KAZN: variants seen among roughly 807,000 people sequenced by gnomAD.
KAZN encodes the protein kazrin.
KAZN carries 40 observed loss-of-function variants against 87.4 expected under a neutral mutation model. The ratio of observed to expected loss-of-function variants is 0.46; its 90% CI spans 0.36 to 0.60. The LOEUF is 0.60. Among genes scored for constraint, KAZN ranks in the 20% least tolerant of loss-of-function variants. The probability of loss-of-function intolerance (pLI) is 0.00; values close to 1 mark genes in which losing one functional copy is unlikely to be tolerated. For synonymous variants in KAZN, 466 were observed against 458.3 expected (o/e 1.02, Z -0.22); for missense variants, 898 against 1,073.9 (o/e 0.84, Z 2.29).
chr1:14,879,501 G>T (rs1653106626), intron 1 of KAZN, among the ~76,000 whole-genome samples: 1 of 152,144 alleles, frequency 6.6e-6, no homozygotes, highest in Non-Finnish European at 1.5e-5. Context: ...CACTTTGCCA[G>T]CCAGCCAAAG....
intron 8 of KAZN, chr1:15,067,791 G>T (rs1036570887): frequency 9.1e-6 from 9 of 985,278 alleles, no homozygotes; most frequent in Non-Finnish European, 1.1e-5. Context: ...TAGGGGTGAC[G>T]GGGAGCGACC....
At chr1:14,419,603 C>T (rs1222151483) in intron 2 of KAZN, among the ~76,000 whole-genome samples, 1 of 152,194 alleles carries the variant, frequency 6.6e-6, no homozygotes, top group Non-Finnish European at 1.5e-5. Context: ...TTGAGTGTTA[C>T]AGTTCTTAAA....
intron 1 of KAZN, among the ~76,000 whole-genome samples, chr1:14,751,025 A>T (rs972975601): frequency 3.3e-5 from 5 of 152,330 alleles, no homozygotes; most frequent in Non-Finnish European, 7.3e-5. Context: ...GACGTCATTT[A>T]TAACATGACC....
intron 1 of KAZN, among the ~76,000 whole-genome samples, chr1:14,009,427 C>T (rs145278932): frequency 0.015 from 2,321 of 152,334 alleles, 62 homozygotes; most frequent in African/African-American, 0.054. Context: ...TTCCTTCCCA[C>T]TGGAACAGTG....
intron 1 of KAZN, among the ~76,000 whole-genome samples, chr1:14,117,795 G>C (rs1644660366): frequency 6.6e-6 from 1 of 152,062 alleles, no homozygotes; most frequent in Non-Finnish European, 1.5e-5. Context: ...ACACTGTAAG[G>C]GGTTCTTGTT....
chr1:14,070,504 C>T (rs904679778), intron 1 of KAZN, among the ~76,000 whole-genome samples: 2 of 152,106 alleles, frequency 1.3e-5, no homozygotes, highest in Admixed American at 6.5e-5. Flanking sequence ...ATAGGAAAGA[C>T]GTTTGGATTT....
At chr1:14,037,815 G>T (rs1641625689) in intron 1 of KAZN, among the ~76,000 whole-genome samples, 2 of 152,170 alleles carry the variant, frequency 1.3e-5, no homozygotes, top group Non-Finnish European at 2.9e-5. Flanking sequence ...GCAGACTTTG[G>T]CTGAGTAGAA....
chr1:14,990,066 T>A (rs969459616), intron 2 of KAZN, among the ~76,000 whole-genome samples: 1 of 152,162 alleles, frequency 6.6e-6, no homozygotes, highest in South Asian at 2.1e-4. Context: ...TTCAGTAACC[T>A]GCTCAAAGCC....
At chr1:14,343,182 G>A (rs1422087510) in intron 2 of KAZN, among the ~76,000 whole-genome samples, 1 of 152,028 alleles carries the variant, frequency 6.6e-6, no homozygotes, top group South Asian at 2.1e-4. Flanking sequence ...AAAAACTTTC[G>A]TATGTAGCTG....
At chr1:14,989,180 C>G (rs1667112118) in intron 2 of KAZN, among the ~76,000 whole-genome samples, 1 of 152,162 alleles carries the variant, frequency 6.6e-6, no homozygotes. Flanking sequence ...CATCTTTGTA[C>G]TTTAGAAAAT....
Position 14,102,145 on chromosome 1 carries a change from C to T in KAZN, c.92-78290C>T, listed in dbSNP as rs117006540. Reference sequence around the variant, plus strand: ...TGACTTATTTAAAAGCCCAGCTGAACTCAAAGCACAGTTTCAACTACACAA... The same window carrying T: ...TGACTTATTTAAAAGCCCAGCTGAATTCAAAGCACAGTTTCAACTACACAA... On this transcript the variant is annotated intron_variant, in intron 1 of 16. Transcript: ENST00000636203. Among the ~76,000 whole-genome samples, 5 of 152,204 alleles carry T rather than the reference C, an allele frequency of 3.3e-5. No individual in the cohort carries two copies. The East Asian group carries it at 9.7e-4, about 29-fold the overall frequency.
At chr1:14,071,589 G>T (rs1490512297) in intron 1 of KAZN, among the ~76,000 whole-genome samples, 2 of 152,212 alleles carry the variant, frequency 1.3e-5, no homozygotes, top group African/African-American at 2.4e-5. Flanking sequence ...AGCATTGTGA[G>T]TGCTGGCAGC....
chr1:14,965,537 C>T (rs1188555252), intron 2 of KAZN, among the ~76,000 whole-genome samples: 1 of 152,212 alleles, frequency 6.6e-6, no homozygotes, highest in Non-Finnish European at 1.5e-5. Flanking sequence ...GTGTTTTGAG[C>T]GTGTTCCCAC....
chr1:14,899,643 C>T (rs1655640643), intron 1 of KAZN, among the ~76,000 whole-genome samples: 1 of 152,052 alleles, frequency 6.6e-6, no homozygotes, highest in Non-Finnish European at 1.5e-5. Flanking sequence ...ATCATGAGGC[C>T]CGGATTTAAA....
chr1:14,064,989 T>A (rs1453651292), intron 1 of KAZN, among the ~76,000 whole-genome samples: 1 of 152,174 alleles, frequency 6.6e-6, no homozygotes, highest in Non-Finnish European at 1.5e-5. Context: ...AGCCTCCTGG[T>A]CAAGAGGCTG....
chr1:14,285,970 A>G (rs1308556862), intron 2 of KAZN, among the ~76,000 whole-genome samples: 2 of 152,170 alleles, frequency 1.3e-5, no homozygotes, highest in Non-Finnish European at 2.9e-5. Context: ...ACGCCATATC[A>G]AGAATGCACA....
At chr1:14,042,716 C>G (rs1183924042) in intron 1 of KAZN, among the ~76,000 whole-genome samples, 1 of 151,976 alleles carries the variant, frequency 6.6e-6, no homozygotes, top group Non-Finnish European at 1.5e-5. Context: ...CATCTTGGAA[C>G]TGGAAGTCAA....
chr1:14,435,330 C>A (rs1401695919), intron 2 of KAZN, among the ~76,000 whole-genome samples: 1 of 152,190 alleles, frequency 6.6e-6, no homozygotes. Context: ...AAACTGAATA[C>A]CCAAGAGCTC....
intron 2 of KAZN, among the ~76,000 whole-genome samples, chr1:14,989,214 G>T (rs759132847): frequency 6.6e-6 from 1 of 152,196 alleles, no homozygotes; most frequent in Non-Finnish European, 1.5e-5. Context: ...GGTGGCTCAC[G>T]CCTGTAATCC....
Sources: gnomAD v4.1 joint callset for allele counts (sites outside exome capture counted in the v4.1 genomes callset) on GRCh38, gnomAD v4.1.1 for gene constraint, MANE v1.5 for transcripts, NCBI Gene and HGNC (gene_info 2026-07-23, HGNC 2026-07-21) for gene names.